Variants in SND1 observed in about 807,000 individuals in gnomAD.
The protein encoded by SND1 is staphylococcal nuclease domain-containing protein 1.
A neutral mutation model predicts 121.7 loss-of-function variants in SND1; 38 were observed. The observed-to-expected ratio is 0.31, with a 90% CI of 0.24 to 0.41. The LOEUF (loss-of-function observed/expected upper bound fraction) is 0.41, where lower values mean the gene tolerates loss of function less well. Among genes scored for constraint, SND1 ranks in the 10% least tolerant of loss-of-function variants. The probability of loss-of-function intolerance (pLI) is 1.00; values close to 1 mark genes in which losing one functional copy is unlikely to be tolerated. For synonymous variants in SND1, 401 were observed against 447.4 expected (o/e 0.90, Z 1.31); for missense variants, 868 against 1,184.6 (o/e 0.73, Z 3.92).
intron 12 of SND1, among the ~76,000 whole-genome samples, chr7:127,864,786 C>A (rs1361778587): frequency 2.6e-5 from 4 of 152,182 alleles, no homozygotes; most frequent in African/African-American, 9.7e-5. Context: ...TTTTCAGATG[C>A]ATCTGGAATA....
intron 15 of SND1, among the ~76,000 whole-genome samples, chr7:127,938,718 C>G (rs528680365): frequency 4.6e-5 from 7 of 152,324 alleles, no homozygotes; most frequent in African/African-American, 1.2e-4. Flanking sequence ...TGCTATTGAG[C>G]CTTCACTGCT....
At chr7:127,738,353 C>T (rs1796817955) in intron 10 of SND1, among the ~76,000 whole-genome samples, 5 of 145,370 alleles carry the variant, frequency 3.4e-5, no homozygotes, top group Admixed American at 2.9e-4. Flanking sequence ...GGCGCGATCT[C>T]GGCTCACTGC....
At chr7:128,017,907 G>T (rs1166046013) in intron 16 of SND1, among the ~76,000 whole-genome samples, 2 of 152,236 alleles carry the variant, frequency 1.3e-5, no homozygotes, top group Non-Finnish European at 2.9e-5. Context: ...TGTGGCATTT[G>T]TGCAGGGAGC....
At chr7:127,963,910 C>G (rs1801794868) in intron 15 of SND1, among the ~76,000 whole-genome samples, 1 of 125,162 alleles carries the variant, frequency 8.0e-6, no homozygotes, top group Non-Finnish European at 1.7e-5. Context: ...TCCTCTCCAG[C>G]ACCTGTTGTT....
At chr7:127,934,781 G>C (rs1801024876) in intron 15 of SND1, among the ~76,000 whole-genome samples, 2 of 152,182 alleles carry the variant, frequency 1.3e-5, no homozygotes, top group South Asian at 4.1e-4. Context: ...CTCAGCAGAG[G>C]AGCCTACGCA....
chr7:128,027,508 G>T (rs1803511418), intron 16 of SND1: 1 of 152,244 alleles, frequency 6.6e-6, no homozygotes, highest in Non-Finnish European at 1.5e-5. Context: ...TGCTACTCAT[G>T]TTCTGCCCCC....
At chr7:127,887,594 T>G (rs1487013924) in intron 12 of SND1, among the ~76,000 whole-genome samples, 1 of 152,070 alleles carries the variant, frequency 6.6e-6, no homozygotes, top group Non-Finnish European at 1.5e-5. Context: ...GTGGCTTGTT[T>G]ATAACATTCT....
At chr7:127,718,546 G>T (rs1796429689) in intron 9 of SND1, 2 of 985,148 alleles carry the variant, frequency 2.0e-6, no homozygotes, top group Non-Finnish European at 2.4e-6. Context: ...ACCTTGCTTA[G>T]CTGGCAGTGG....
At chr7:127,871,068 G>A (rs1273576437) in intron 12 of SND1, among the ~76,000 whole-genome samples, 1 of 152,084 alleles carries the variant, frequency 6.6e-6, no homozygotes, top group African/African-American at 2.4e-5. Flanking sequence ...GACCTACACA[G>A]TCAGGATAAT....
intron 10 of SND1, among the ~76,000 whole-genome samples, chr7:127,736,731 C>G (rs781505615): frequency 4.6e-5 from 7 of 152,180 alleles, no homozygotes; most frequent in African/African-American, 7.2e-5. Context: ...GATCCAGGCC[C>G]TTTGTGTTTT....
At chr7:127,696,119 C>G (rs1334272498) in intron 3 of SND1, among the ~76,000 whole-genome samples, 1 of 152,144 alleles carries the variant, frequency 6.6e-6, no homozygotes, top group Admixed American at 6.5e-5. Flanking sequence ...AAAAACCTTT[C>G]AGATAGCTCA....
chr7:127,700,802 C>G (rs1289115256), intron 4 of SND1, among the ~76,000 whole-genome samples: 1 of 152,064 alleles, frequency 6.6e-6, no homozygotes, highest in Non-Finnish European at 1.5e-5. Flanking sequence ...CGAGCTGTGC[C>G]TGGGATTCCA....
intron 1 of SND1, among the ~76,000 whole-genome samples, chr7:127,669,559 A>G (rs924676081): frequency 5.3e-5 from 8 of 152,116 alleles, no homozygotes; most frequent in Admixed American, 3.9e-4. Flanking sequence ...AGCAAATTCT[A>G]TCATCTCTTC....
At chr7:128,031,458 G>A (rs79520962) in intron 16 of SND1, 4,678 of 151,828 alleles carry the variant, frequency 0.031, 95 homozygotes, top group Non-Finnish European at 0.044. Context: ...GGAGCGGCGA[G>A]AGTTAAGAGG....
At chr7:128,021,311 G>T (rs943153866) in intron 16 of SND1, among the ~76,000 whole-genome samples, 6 of 152,204 alleles carry the variant, frequency 3.9e-5, no homozygotes, top group Non-Finnish European at 8.8e-5. Flanking sequence ...CTCCATTTCT[G>T]GGCCTATTGT....
chr7:127,901,603 A>C (rs17151507), intron 13 of SND1, among the ~76,000 whole-genome samples: 32,177 of 152,026 alleles, frequency 0.21, 3,994 homozygotes, highest in Middle Eastern at 0.32. Context: ...GTGTGCTACT[A>C]AGAGGCTAGA....
intron 10 of SND1, among the ~76,000 whole-genome samples, chr7:127,775,913 C>T (rs1442585970): frequency 6.6e-6 from 1 of 152,162 alleles, no homozygotes; most frequent in Non-Finnish European, 1.5e-5. Flanking sequence ...CCTATGTTCA[C>T]ACACACTTTG....
intron 1 of SND1, among the ~76,000 whole-genome samples, chr7:127,683,722 A>G (rs939982699): frequency 1.3e-5 from 2 of 152,230 alleles, no homozygotes; most frequent in Non-Finnish European, 2.9e-5. Context: ...AGGAGTAGGA[A>G]TAGCAGTACC....
chr7:128,041,898 G>T (rs1246888258), intron 16 of SND1, among the ~76,000 whole-genome samples: 1 of 152,140 alleles, frequency 6.6e-6, no homozygotes, highest in Non-Finnish European at 1.5e-5. Flanking sequence ...GGGTGTTCTG[G>T]GGAACCTTTC....
Sources: allele counts gnomAD v4.1 joint callset (sites outside exome capture counted in the v4.1 genomes callset), GRCh38; gene constraint gnomAD v4.1.1; transcripts MANE v1.5; gene names NCBI Gene and HGNC (gene_info 2026-07-23, HGNC 2026-07-21).